Variants in BMPR1B observed in about 807,000 individuals in gnomAD.
BMPR1B encodes the protein bone morphogenetic protein receptor type 1B.
A neutral mutation model predicts 59.1 loss-of-function variants in BMPR1B; 12 were observed. The ratio of observed to expected loss-of-function variants is 0.20; its 90% confidence interval spans 0.13 to 0.33. The LOEUF is 0.33. Among genes scored for constraint, BMPR1B ranks in the 10% least tolerant of loss-of-function variants. The pLI, the probability that BMPR1B is intolerant of heterozygous loss-of-function variation, is 1.00. For missense variants in BMPR1B, 550 were observed against 610.9 expected, an observed-to-expected ratio of 0.90 and a Z score of 1.05; for synonymous variants, 237 against 207.3, an observed-to-expected ratio of 1.14 and a Z score of -1.23.
intron 3 of BMPR1B, among the ~76,000 whole-genome samples, chr4:95,011,504 C>G (rs529735783): frequency 6.6e-5 from 10 of 152,230 alleles, no homozygotes; most frequent in South Asian, 6.2e-4. Flanking sequence ...TGCTGTCGCT[C>G]TAGCTGTCAT....
At position 94,990,676 on chromosome 4, in the gene BMPR1B, TTTG is replaced by T. The variant is rs34003455; in HGVS notation, c.-112-5337_-112-5335del. 4.3e-4 allele frequency among the ~76,000 whole-genome samples: 64 copies of T among 150,106 alleles called. 1 individual carries two copies. Among genetic ancestry groups the T allele is most frequent in the South Asian group, 8.5e-4 (4 of 4,682 alleles). The stretch of plus-strand genomic sequence containing the variant: ...CTCAACCTCTATGCTGGAATGAGGT[TTTG>T]TTGTTGTTGTTGTTGTTGTTGTTGT... On this transcript the variant is annotated intron_variant, in intron 2 of 12. Transcript: ENST00000515059.
In BMPR1B at chr4:95,139,860, A is replaced by G. The variant is rs149706957; in HGVS notation, c.1076+8348A>G. ...TGGCTTCCCTTGGCTAGGAAAGGGA[A>G]TTCCCTGACCCCTTGCGCTTGCCGG... On this transcript the variant is annotated intron_variant, in intron 10 of 12. Coordinates refer to ENST00000515059, the MANE Select transcript of BMPR1B (RefSeq NM_001203.3). 1.9e-4 allele frequency among the ~76,000 whole-genome samples: 29 copies of G among 152,282 alleles called. No homozygotes were observed. In the East Asian group the frequency reaches 5.0e-3, roughly 26 times the overall value.
At chr4:95,078,778 G>A (rs996646890) in intron 3 of BMPR1B, among the ~76,000 whole-genome samples, 1 of 151,976 alleles carries the variant, frequency 6.6e-6, no homozygotes, top group Non-Finnish European at 1.5e-5. Flanking sequence ...CTATTTTTGA[G>A]ACAGAGTCTT....
At chr4:94,776,671 C>A (rs1240738928) in intron 1 of BMPR1B, among the ~76,000 whole-genome samples, 1 of 152,152 alleles carries the variant, frequency 6.6e-6, no homozygotes, top group Non-Finnish European at 1.5e-5. Context: ...TTCTATTAAA[C>A]TGTGCTTATT....
At chr4:94,791,774 T>G (rs1376644314) in intron 1 of BMPR1B, among the ~76,000 whole-genome samples, 1 of 152,150 alleles carries the variant, frequency 6.6e-6, no homozygotes, top group Non-Finnish European at 1.5e-5. Context: ...AGATAAATTC[T>G]TGAACATTTA....
chr4:94,803,344 A>G (rs2110625820), intron 1 of BMPR1B, among the ~76,000 whole-genome samples: 2 of 152,262 alleles, frequency 1.3e-5, no homozygotes, highest in South Asian at 4.2e-4. Context: ...AGGAATGCTA[A>G]AACTCTGTAT....
chr4:94,987,040 CA>C (rs1375900593), intron 2 of BMPR1B, among the ~76,000 whole-genome samples: 789 of 14,766 alleles, frequency 0.053, 7 homozygotes, highest in Middle Eastern at 0.21. Context: ...GACTCTGTCT[CA>C]AAAAAAATAT....
At chr4:94,767,858 A>G (rs1560806480) in intron 1 of BMPR1B, among the ~76,000 whole-genome samples, 1 of 152,234 alleles carries the variant, frequency 6.6e-6, no homozygotes, top group East Asian at 1.9e-4. Context: ...TATGGATACT[A>G]TATTCTTCCT....
At chr4:94,808,413 T>C (rs1206477241) in intron 1 of BMPR1B, among the ~76,000 whole-genome samples, 2 of 152,220 alleles carry the variant, frequency 1.3e-5, no homozygotes, top group Non-Finnish European at 2.9e-5. Flanking sequence ...TTTTAATGGC[T>C]ACTGAATGTT....
At position 95,104,601 on chromosome 4, in the gene BMPR1B, A is replaced by G. The variant is rs768284988; in HGVS notation, c.143+34A>G. ...TATAAATGATTTAAAGCTAGCTTTA[A>G]CAAAAAGTCACACTTTTTCAACTAT... On this transcript the variant is annotated intron_variant, in intron 4 of 12. Coordinates refer to ENST00000515059, the MANE Select transcript of BMPR1B (RefSeq NM_001203.3). 2.5e-6 allele frequency: 4 copies of G among 1,611,158 alleles called. No homozygotes were observed. In the African/African-American group the frequency reaches 4.0e-5, roughly 16 times the overall value.
At chr4:95,011,375 C>G (rs1723217771) in intron 3 of BMPR1B, among the ~76,000 whole-genome samples, 1 of 152,098 alleles carries the variant, frequency 6.6e-6, no homozygotes, top group African/African-American at 2.4e-5. Context: ...CAGAGGTAGG[C>G]AATCAGGGAT....
At chr4:95,077,590 A>G (rs559209042) in intron 3 of BMPR1B, among the ~76,000 whole-genome samples, 3 of 152,294 alleles carry the variant, frequency 2.0e-5, no homozygotes, top group Non-Finnish European at 4.4e-5. Context: ...GATTGTCTTC[A>G]TAAATTTTAA....
At chr4:95,126,065 C>G (rs1732883603) in intron 8 of BMPR1B, among the ~76,000 whole-genome samples, 1 of 152,164 alleles carries the variant, frequency 6.6e-6, no homozygotes, top group South Asian at 2.1e-4. Context: ...CATGTTTTAC[C>G]TCTGTGACAA....
intron 1 of BMPR1B, among the ~76,000 whole-genome samples, chr4:94,800,482 C>G (rs1410047343): frequency 7.1e-6 from 1 of 141,762 alleles, no homozygotes; most frequent in Non-Finnish European, 1.5e-5. Context: ...AGCAAGTGGC[C>G]TTTTAGTGAA....
At chr4:94,989,401 A>C (rs1051735369) in intron 2 of BMPR1B, among the ~76,000 whole-genome samples, 231 of 151,578 alleles carry the variant, frequency 1.5e-3, no homozygotes, top group African/African-American at 5.2e-3. Context: ...AAAAAAAAAA[A>C]AACAAAAAAA....
intron 3 of BMPR1B, among the ~76,000 whole-genome samples, chr4:95,023,638 T>C (rs1336233383): frequency 6.6e-6 from 1 of 152,092 alleles, no homozygotes; most frequent in Non-Finnish European, 1.5e-5. Flanking sequence ...CCTCCTGATT[T>C]AGCCTCCTAA....
At chr4:94,804,279 A>C (rs1723521418) in intron 1 of BMPR1B, among the ~76,000 whole-genome samples, 1 of 152,200 alleles carries the variant, frequency 6.6e-6, no homozygotes, top group Non-Finnish European at 1.5e-5. Flanking sequence ...ATCTTGTAGG[A>C]TTGATGAATA....
chr4:94,841,530 T>G (rs1260048229), intron 1 of BMPR1B, among the ~76,000 whole-genome samples: 1 of 152,124 alleles, frequency 6.6e-6, no homozygotes, highest in African/African-American at 2.4e-5. Flanking sequence ...ATTTTCCAGG[T>G]GCCATCCGTC....
chr4:94,758,360 G>A (rs1028981254), intron 1 of BMPR1B, among the ~76,000 whole-genome samples: 8 of 151,234 alleles, frequency 5.3e-5, no homozygotes, highest in African/African-American at 1.7e-4. Context: ...CCGAGGCCTC[G>A]TGCCTGCGCA....
Sources: allele counts gnomAD v4.1 joint callset (sites outside exome capture counted in the v4.1 genomes callset), GRCh38; gene constraint gnomAD v4.1.1; transcripts MANE v1.5; gene names NCBI Gene and HGNC (gene_info 2026-07-23, HGNC 2026-07-21).